Variants in CACTIN observed in about 807,000 individuals in gnomAD.
The protein encoded by CACTIN is splicing factor Cactin.
Under a neutral mutation model 84.9 loss-of-function variants are expected in CACTIN, and 20 were observed. The ratio of observed to expected loss-of-function variants is 0.24; its 90% confidence interval spans 0.17 to 0.34. The LOEUF (loss-of-function observed/expected upper bound fraction) is 0.34, where lower values mean the gene tolerates loss of function less well. CACTIN is among the 10% of genes least tolerant of loss of function. CACTIN has a pLI of 1.00. For missense variants in CACTIN, 897 were observed against 1,117.2 expected (o/e 0.80, Z 2.81); for synonymous variants, 549 against 467.9 (o/e 1.17, Z -2.24).
chr19:3,623,097 A>ATGG (rs1316846074), intron 2 of CACTIN, among the ~76,000 whole-genome samples: 1 of 152,100 alleles, frequency 6.6e-6, no homozygotes, highest in Non-Finnish European at 1.5e-5. Flanking sequence ...TTAGCCGGGC[A>ATGG]TGGTGGTGGT....
rs376892682 is a variant in CACTIN, at chr19:3,619,095, C to T, written c.1032G>A (p.Leu344=). 3.1e-4 allele frequency: 487 copies of T among 1,564,838 alleles called. No individual in the cohort carries two copies. Among genetic ancestry groups the T allele is most frequent in the Non-Finnish European group, 4.0e-4 (460 of 1,155,188 alleles). The change falls in exon 5 of 10, where the codon CTG becomes CTA. Residue 344 remains leucine (L), a synonymous_variant. Transcript: ENST00000429344. ...NGLTVADMED[L]LEDIQVYMEL... is the part of the protein sequence containing the mutation. ...GGCTGGGTACCTGGATATCCTCCAGCAGGTCCTCCATGTCGGCCACGGTGA... is the reference window on the plus strand; with the variant it reads ...GGCTGGGTACCTGGATATCCTCCAGTAGGTCCTCCATGTCGGCCACGGTGA...
intron 1 of CACTIN, among the ~76,000 whole-genome samples, chr19:3,625,748 C>CCAA (rs1384958062): frequency 6.6e-6 from 1 of 152,194 alleles, no homozygotes; most frequent in Non-Finnish European, 1.5e-5. Flanking sequence ...AACAAAAAAA[C>CCAA]CAACAACCGA....
At position 3,612,284 on chromosome 19, in the gene CACTIN, C is replaced by T. The variant is rs370352349; in HGVS notation, c.1916G>A (p.Arg639Gln). The change falls in exon 10 of 10, where the codon CGG (arginine) becomes CAG (glutamine). Residue 639 changes from arginine (R) to glutamine (Q), a missense_variant. Physicochemically the swap from Arg to Gln is conservative, Grantham distance 43 (BLOSUM62 1). Coordinates refer to ENST00000429344, the MANE Select transcript of CACTIN (RefSeq NM_001080543.2). ...GTTGAAGAAGCGCGGCTTGCGTGGC[C>T]GGTACTTGTCGGCCCACAGGTAGGC... ...GKAYLWADKY[R>Q]PRKPRFFNRV... 1.2e-6 allele frequency: 2 copies of T among 1,613,048 alleles called. No homozygotes were observed. The highest frequency in any genetic ancestry group is 1.7e-6 in the Non-Finnish European group (2 of 1,179,900).
In CACTIN at chr19:3,611,765, G is replaced by A; in HGVS notation, c.*158C>T. 2.1e-6 allele frequency: 2 copies of A among 942,666 alleles called. No homozygotes were observed. The highest frequency in any genetic ancestry group is 1.6e-6 in the Non-Finnish European group (1 of 606,874). 58.4% of individuals were successfully genotyped at this position (942,666 alleles called of 1,614,324 possible). A position where few individuals can be genotyped will look rare whatever the true frequency, so the allele number is the denominator to read the frequency against. On this transcript the variant is annotated 3_prime_UTR_variant, in exon 10 of 10. Coordinates refer to ENST00000429344, the MANE Select transcript of CACTIN (RefSeq NM_001080543.2). ...TCAATGGTGACCCCCCTTTTATATA[G>A]GAGGAAACTGAGGCCTGGCGAAAGA...
rs1000967918 is a variant in CACTIN at position 3,611,655 on chromosome 19, C to G, written c.*268G>C. On this transcript the variant is annotated 3_prime_UTR_variant, in exon 10 of 10. Coordinates refer to ENST00000429344, the MANE Select transcript of CACTIN (RefSeq NM_001080543.2). ...GGCGGCTGCTGGCCACCCTCGTGCTCGAAAGATGCCCCTAGCGCCCCCTCC... is the reference window on the plus strand; with the variant it reads ...GGCGGCTGCTGGCCACCCTCGTGCTGGAAAGATGCCCCTAGCGCCCCCTCC... 2.0e-6 allele frequency: 1 copy of G among 501,672 alleles called. No individual in the cohort carries two copies. The highest frequency in any genetic ancestry group is 3.7e-6 in the Non-Finnish European group (1 of 273,814). 31.1% of individuals were successfully genotyped at this position (501,672 alleles called of 1,614,324 possible).
chr19:3,612,641 G>A, intron 9 of CACTIN: 2 of 724,842 alleles, frequency 2.8e-6, no homozygotes, highest in East Asian at 2.7e-5. Context: ...CCTGGGTGGG[G>A]ACCAAGCGCA....
At chr19:3,620,665 G>T (rs1185773273) in intron 3 of CACTIN, 42 bp downstream of exon 3, 1 of 1,523,788 alleles carries the variant, frequency 6.6e-7, no homozygotes. Flanking sequence ...TCCAGGCCCT[G>T]GAAAGGGAGG....
chr19:3,624,095 A>C lies in CACTIN; in HGVS notation c.235T>G (p.Trp79Gly), dbSNP rs1246604224. ...TGAGAGGACCCATCTCTTGAGTGCC[A>C]CTTGGGCCGCGGGGGGCTCCGGCTT... ...MRSRSPPRPK[W>G]HSRDGSSQSD... is the part of the protein sequence containing the mutation. Residue 79 changes from tryptophan to glycine, a missense_variant, in exon 2 of 10, where the codon TGG (tryptophan) becomes GGG (glycine). Transcript: ENST00000429344. The C allele has an allele frequency of 1.3e-6, 2 of 1,593,450 alleles. No homozygotes were observed.
intron 6 of CACTIN, chr19:3,614,808 G>A: frequency 1.7e-6 from 1 of 590,856 alleles, no homozygotes; most frequent in Non-Finnish European, 3.0e-6. Context: ...ACGTTAAGAT[G>A]CAGTTGCTGA....
At chr19:3,616,148 A>C (rs890775226) in intron 6 of CACTIN, 3 of 152,142 alleles carry the variant, frequency 2.0e-5, no homozygotes, top group African/African-American at 7.2e-5. Flanking sequence ...GTGCAGGCCA[A>C]GGGCCCTGGG....
At chr19:3,624,687 C>T (rs556776650) in intron 1 of CACTIN, among the ~76,000 whole-genome samples, 9 of 152,072 alleles carry the variant, frequency 5.9e-5, no homozygotes, top group South Asian at 4.2e-4. Context: ...TATAAGGGTA[C>T]GAACCAGGGG....
chr19:3,612,991 G>A (rs2033003540), intron 9 of CACTIN, 67 bp downstream of exon 9: 2 of 1,490,926 alleles, frequency 1.3e-6, no homozygotes, highest in Non-Finnish European at 9.0e-7. Flanking sequence ...GGGAAATGAG[G>A]CTGGAGAAGC....
At chr19:3,619,961 C>T (rs752165753) in intron 4 of CACTIN, among the ~76,000 whole-genome samples, 166 bp downstream of exon 4, 1 of 152,276 alleles carries the variant, frequency 6.6e-6, no homozygotes, top group East Asian at 1.9e-4. Context: ...CAGGGGAGGG[C>T]AGGAGACAGA....
At position 3,614,598 on chromosome 19, in the gene CACTIN, G is replaced by T. The variant is rs1465368435; in HGVS notation, c.1163-9C>A. 2 of 1,591,754 alleles carry T rather than the reference G, an allele frequency of 1.3e-6. No individual in the cohort carries two copies. Among genetic ancestry groups the T allele is most frequent in the Non-Finnish European group, 1.7e-6 (2 of 1,169,708 alleles). On this transcript the variant is annotated splice_polypyrimidine_tract_variant and intron_variant, in intron 6 of 9. Coordinates refer to ENST00000429344, the MANE Select transcript of CACTIN (RefSeq NM_001080543.2). Reference sequence around the variant, plus strand: ...CCCCTCGCGGCGCTCACCTGCAGCGGGGTGGGGGCATGGGGGGGCGGTTCC... The same window carrying T: ...CCCCTCGCGGCGCTCACCTGCAGCGTGGTGGGGGCATGGGGGGGCGGTTCC...
intron 1 of CACTIN, among the ~76,000 whole-genome samples, chr19:3,626,063 G>A (rs2033325858): frequency 6.6e-6 from 1 of 152,054 alleles, no homozygotes; most frequent in African/African-American, 2.4e-5. Flanking sequence ...GAATCCCTCT[G>A]AAATCTACGC....
Position 3,621,018 on chromosome 19 carries a change from A to C in CACTIN, c.643-216T>G, listed in dbSNP as rs77428959. On this transcript the variant is annotated intron_variant, in intron 2 of 9. Coordinates refer to ENST00000429344, the MANE Select transcript of CACTIN (RefSeq NM_001080543.2). ...CCCCCACTGGGAGTGAGATGTATGC[A>C]AAGGGTAAGAAGGGGCTACCCCAAC... 1.6e-3 allele frequency: 1,089 copies of C among 666,144 alleles called. 9 individuals carry two copies. Among genetic ancestry groups the C allele is most frequent in the African/African-American group, 0.013 (758 of 56,572 alleles). The allele number at this position is 666,144 out of a possible 1,614,324, so 41.3% of individuals were successfully genotyped here.
At chr19:3,613,937 G>C in intron 7 of CACTIN, 3 of 427,150 alleles carry the variant, frequency 7.0e-6, no homozygotes, top group Non-Finnish European at 1.3e-5. Flanking sequence ...AATTAGCAGA[G>C]GAGACATGTA....
At chr19:3,612,678 G>C in intron 9 of CACTIN, 1 of 708,710 alleles carries the variant, frequency 1.4e-6, no homozygotes, top group South Asian at 1.5e-5. Context: ...AGCGACAGGA[G>C]AACCTGGTGG....
In CACTIN at chr19:3,611,341, G is replaced by A; in HGVS notation, c.*582C>T. Reference sequence around the variant, plus strand: ...TTCTGCAGTGGCGGATCGGGCGCCAGCAGGGTCCCGGCCTCAGTGCTGCCT... The same window carrying A: ...TTCTGCAGTGGCGGATCGGGCGCCAACAGGGTCCCGGCCTCAGTGCTGCCT... On this transcript the variant is annotated 3_prime_UTR_variant, in exon 10 of 10. Transcript: ENST00000429344. 2.2e-6 allele frequency: 1 copy of A among 453,754 alleles called. No individual in the cohort carries two copies. The highest frequency in any genetic ancestry group is 7.0e-5 in the East Asian group (1 of 14,292). The allele number at this position is 453,754 out of a possible 1,614,324, so 28.1% of individuals were successfully genotyped here.
Sources: allele counts gnomAD v4.1 joint callset (sites outside exome capture counted in the v4.1 genomes callset), GRCh38; gene constraint gnomAD v4.1.1; transcripts MANE v1.5; gene names NCBI Gene and HGNC (gene_info 2026-07-23, HGNC 2026-07-21).